The following NGDN variants were observed in gnomAD, a reference collection of about 807,000 sequenced individuals.
NGDN encodes the protein EIF4E-binding protein.
NGDN carries 41 observed loss-of-function variants against 45.2 expected under a neutral mutation model. The ratio of observed to expected loss-of-function variants is 0.91; its 90% CI spans 0.71 to 1.18. The LOEUF (loss-of-function observed/expected upper bound fraction) is 1.18. Ranked by LOEUF, NGDN falls within the 50% of genes most tolerant of loss-of-function variation. The pLI is 0.00. For missense variants in NGDN, 402 were observed against 399.9 expected (o/e 1.01, Z -0.05); for synonymous variants, 137 against 130.9 (o/e 1.05, Z -0.32).
chr14:23,471,433 T>C (rs1434306107), intron 3 of NGDN: 1 of 154,526 alleles, frequency 6.5e-6, no homozygotes, highest in African/African-American at 2.4e-5. Flanking sequence ...ACTCTGAAGA[T>C]TACTGTAGGC....
In NGDN at chr14:23,477,532, G is replaced by C. The variant is rs764365789; in HGVS notation, c.900G>C (p.Lys300Asn). Residue 300 changes from lysine to asparagine, a missense_variant, in exon 10 of 11, where the codon AAG becomes AAC. By Grantham distance (94) the Lys-to-Asn change is moderately conservative (BLOSUM62 0). Coordinates refer to ENST00000408901, the MANE Select transcript of NGDN (RefSeq NM_001042635.2). ...EDQNPIKKRK[K>N]IPQKGRKKKG... ...AGAATCCTATTAAGAAGCGGAAGAA[G>C]ATACCTCAGAAAGGTCGGAAGAAAA... The C allele has an allele frequency of 3.7e-6, 6 of 1,614,188 alleles. No homozygotes were observed.
intron 10 of NGDN, 72 bp downstream of exon 10, chr14:23,477,632 C>T (rs1379092733): frequency 2.5e-6 from 4 of 1,600,064 alleles, no homozygotes; most frequent in South Asian, 2.2e-5. Flanking sequence ...TTTGGATTTG[C>T]CATTCTGGGT....
At chr14:23,469,866 G>A in intron 1 of NGDN, 139 bp downstream of exon 1, 3 of 1,294,940 alleles carry the variant, frequency 2.3e-6, no homozygotes, top group Non-Finnish European at 3.3e-6. Flanking sequence ...TAGAGTTACC[G>A]TTCCTGTCCG....
intron 8 of NGDN, 130 bp downstream of exon 8, chr14:23,476,537 G>A: frequency 1.1e-6 from 1 of 928,128 alleles, no homozygotes. Flanking sequence ...ACTTTGGGAT[G>A]ATAGTTTCTA....
intron 3 of NGDN, among the ~76,000 whole-genome samples, chr14:23,473,654 G>T (rs541290891): frequency 6.6e-6 from 1 of 152,076 alleles, no homozygotes; most frequent in South Asian, 2.1e-4. Context: ...GCGAAACCCC[G>T]TCTCTTAAAT....
chr14:23,470,082 T>C lies in NGDN; in HGVS notation c.53T>C (p.Leu18Pro), dbSNP rs747830818. ...ESDLPSAVTL[L>P]KNLQEQVMAV... ...GACCTGCCAAGTGCCGTGACACTTC[T>C]GAAAAATCTCCAGGAGCAAGTGAGT... The change falls in exon 2 of 11, where the codon CTG becomes CCG. Residue 18 changes from leucine (L) to proline (P), a missense_variant. Physicochemically the swap from Leu to Pro is moderately conservative, Grantham distance 98. Transcript: ENST00000408901. 1 of 1,614,140 alleles carries C rather than the reference T, an allele frequency of 6.2e-7. No homozygotes were observed. The highest frequency in any genetic ancestry group is 2.2e-5 in the East Asian group (1 of 44,886).
At chr14:23,475,427 G>T in intron 4 of NGDN, 119 bp downstream of exon 4, 1 of 1,351,030 alleles carries the variant, frequency 7.4e-7, no homozygotes. Flanking sequence ...AATGAGAAAA[G>T]GTATTTTTCT....
At chr14:23,471,930 C>T (rs1221354227) in intron 3 of NGDN, among the ~76,000 whole-genome samples, 1 of 152,108 alleles carries the variant, frequency 6.6e-6, no homozygotes, top group African/African-American at 2.4e-5. Context: ...GAAATATGCG[C>T]CTGTAATCCC....
At chr14:23,471,980 C>T (rs1893787646) in intron 3 of NGDN, among the ~76,000 whole-genome samples, 1 of 151,840 alleles carries the variant, frequency 6.6e-6, no homozygotes, top group African/African-American at 2.4e-5. Flanking sequence ...TGCTTGAGCC[C>T]ATGGGTTTGA....
intron 1 of NGDN, 148 bp from the exon 2 acceptor site, chr14:23,469,894 C>T: frequency 8.0e-7 from 1 of 1,247,256 alleles, no homozygotes. Context: ...AAGGGGCTGG[C>T]TTTAAGGCGA....
At chr14:23,478,313 C>A (rs1893951790), downstream of NGDN, 4 of 361,756 alleles carry the variant, frequency 1.1e-5, no homozygotes, top group Admixed American at 4.4e-5. Context: ...TATATTTTTC[C>A]CAAAAACTAA....
Position 23,477,539 on chromosome 14 carries a change from C to T in NGDN, c.907C>T (p.Gln303Ter). 1.9e-6 allele frequency: 3 copies of T among 1,614,126 alleles called. No individual in the cohort carries two copies. Among genetic ancestry groups the T allele is most frequent in the Non-Finnish European group, 2.5e-6 (3 of 1,180,026 alleles). The part of the protein sequence containing the change: ...NPIKKRKKIP[Q>*]KGRKKKGFRR... ...TATTAAGAAGCGGAAGAAGATACCT[C>T]AGAAAGGTCGGAAGAAAAAAGGTCA... Residue 303 changes from glutamine (Q) to a stop codon, truncating the protein, a stop_gained, in exon 10 of 11, where the codon CAG (glutamine) becomes TAG (stop). Transcript: ENST00000408901. LOFTEE classifies it high-confidence loss of function.
In NGDN at chr14:23,475,569, G is replaced by T; in HGVS notation, c.294G>T (p.Lys98Asn). 6.2e-7 allele frequency: 1 copy of T among 1,613,964 alleles called. No individual in the cohort carries two copies. The highest frequency in any genetic ancestry group is 8.5e-7 in the Non-Finnish European group (1 of 1,179,976). ...CTACCATGTTGTAGGTTTTGGAAAAGCTTCGTCCCTTGGACCAAAAGCTGA... is the reference window on the plus strand; with the variant it reads ...CTACCATGTTGTAGGTTTTGGAAAATCTTCGTCCCTTGGACCAAAAGCTGA... The part of the protein sequence containing the change: ...RLVEIRTVLE[K>N]LRPLDQKLKY... Residue 98 changes from lysine to asparagine, a missense_variant, in exon 5 of 11, where the codon AAG becomes AAT. Transcript: ENST00000408901.
rs770315949 is a variant in NGDN, at chr14:23,478,073, C to T, written c.*47C>T. The stretch of plus-strand genomic sequence containing the variant: ...TATTTTTTGTCATCCTGAGATACTT[C>T]TAATTTCATTGTATATAGGTGGTTT... On this transcript the variant is annotated 3_prime_UTR_variant, in exon 11 of 11. Transcript: ENST00000408901. The T allele has an allele frequency of 6.4e-7, 1 of 1,568,450 alleles. No homozygotes were observed. The highest frequency in any genetic ancestry group is 1.1e-5 in the South Asian group (1 of 90,074).
intron 3 of NGDN, chr14:23,471,551 G>T (rs1265328972): frequency 1.3e-5 from 2 of 152,348 alleles, no homozygotes; most frequent in Non-Finnish European, 2.9e-5. Flanking sequence ...GGGCATGGTG[G>T]CTCATGCCTG....
At chr14:23,476,846 A>G (rs1040803100) in intron 8 of NGDN, among the ~76,000 whole-genome samples, 7 of 152,248 alleles carry the variant, frequency 4.6e-5, no homozygotes, top group African/African-American at 1.4e-4. Flanking sequence ...AGACTCGTCA[A>G]CTTTGCTCAG....
intron 3 of NGDN, among the ~76,000 whole-genome samples, chr14:23,471,997 C>T (rs1410862955): frequency 6.6e-6 from 1 of 151,484 alleles, no homozygotes; most frequent in Admixed American, 6.6e-5. Context: ...TTGAGACCAG[C>T]CTGGGCAATG....
chr14:23,477,969 C>G (rs781463492), intron 10 of NGDN, 38 bp from the exon 11 acceptor site: 2 of 1,614,154 alleles, frequency 1.2e-6, no homozygotes, highest in Non-Finnish European at 1.7e-6. Flanking sequence ...GCTTTTCCAA[C>G]TGTCCTTTGC....
In NGDN at chr14:23,470,083, GAAAAATCTCCAGGAGCAAGTGAGTA is replaced by G. The variant is rs1439028437; in HGVS notation, c.55_72+7del. On this transcript the variant is annotated splice_donor_variant and splice_donor_5th_base_variant and coding_sequence_variant and intron_variant, in exon 2 of 11. Transcript: ENST00000408901. LOFTEE classifies it high-confidence loss of function. ...ACCTGCCAAGTGCCGTGACACTTCT[GAAAAATCTCCAGGAGCAAGTGAGTA>G]GTGTCGCCTCTGGAATAAATTAGTC... 19 of 1,614,092 alleles carry G rather than the reference GAAAAATCTCCAGGAGCAAGTGAGTA, an allele frequency of 1.2e-5. No homozygotes were observed. The highest frequency in any genetic ancestry group is 1.6e-5 in the Non-Finnish European group (19 of 1,179,988).
Sources: allele counts gnomAD v4.1 joint callset (sites outside exome capture counted in the v4.1 genomes callset), GRCh38; gene constraint gnomAD v4.1.1; transcripts MANE v1.5; gene names NCBI Gene and HGNC (gene_info 2026-07-23, HGNC 2026-07-21).